Variants in PRKN observed in about 807,000 individuals in gnomAD.
PRKN encodes the protein parkin RBR E3 ubiquitin protein ligase, also known as E3 ubiquitin-protein ligase parkin.
Under a neutral mutation model 59.5 loss-of-function variants are expected in PRKN, and 56 were observed. The observed-to-expected ratio is 0.94, with a 90% CI of 0.76 to 1.18. The LOEUF is 1.18. PRKN is among the 50% of genes most tolerant of loss of function. PRKN has a pLI of 0.00. For synonymous variants in PRKN, 250 were observed against 222.1 expected, an observed-to-expected ratio of 1.13 and a Z score of -1.12; for missense variants, 657 against 596.4, an observed-to-expected ratio of 1.10 and a Z score of -1.06.
intron 5 of PRKN, among the ~76,000 whole-genome samples, chr6:162,016,979 CTG>C (rs1346557228): frequency 6.6e-6 from 1 of 152,148 alleles, no homozygotes; most frequent in East Asian, 1.9e-4. Flanking sequence ...ACTCAGTCAA[CTG>C]TGTGTGTGCA....
intron 1 of PRKN, among the ~76,000 whole-genome samples, chr6:162,448,894 CCTCTCT>C (rs112625480): frequency 3.5e-5 from 5 of 141,372 alleles, no homozygotes; most frequent in Admixed American, 2.1e-4. Context: ...TCTCTCCCTT[CCTCTCT>C]CTCTCTCTCT....
At chr6:162,362,078 A>G (rs1009021597) in intron 2 of PRKN, among the ~76,000 whole-genome samples, 4 of 152,166 alleles carry the variant, frequency 2.6e-5, no homozygotes, top group African/African-American at 9.7e-5. Flanking sequence ...GATCCCAAAC[A>G]TTTTGCCAAA....
At chr6:161,986,221 C>T (rs1281672236) in intron 5 of PRKN, among the ~76,000 whole-genome samples, 2 of 152,216 alleles carry the variant, frequency 1.3e-5, no homozygotes, top group African/African-American at 4.8e-5. Context: ...GACTGTAGAA[C>T]TGCCCTGAGC....
rs376245027 is a variant in PRKN, at chr6:161,556,048, G to A, written c.934-7045C>T. 1.6e-4 allele frequency among the ~76,000 whole-genome samples: 24 copies of A among 152,118 alleles called. No individual in the cohort carries two copies. In the East Asian group the frequency reaches 2.1e-3, roughly 13 times the overall value. ...TTACTATGACAATAGCTTTTATCTC[G>A]GAAGAAGTTAATGTATGGACAACGT... On this transcript the variant is annotated intron_variant, in intron 8 of 11. Transcript: ENST00000366898.
chr6:162,556,523 G>C (rs1332961534), intron 1 of PRKN, among the ~76,000 whole-genome samples: 1 of 151,346 alleles, frequency 6.6e-6, no homozygotes, highest in African/African-American at 2.4e-5. Context: ...CCGAGGCGGG[G>C]GGATCACGAA....
chr6:161,349,610 C>A lies in PRKN; in HGVS notation c.*489G>T. On this transcript the variant is annotated 3_prime_UTR_variant, in exon 12 of 12. Coordinates refer to ENST00000366898, the MANE Select transcript of PRKN (RefSeq NM_004562.3). The surrounding 1 kb of genome is among the most constrained non-coding windows in gnomAD (Gnocchi z 5.5). ...TGAATCTAGTTTGGAGAACCCACTGCAGTTCATTTTACAGAGAAACACCTT... is the reference window on the plus strand; with the variant it reads ...TGAATCTAGTTTGGAGAACCCACTGAAGTTCATTTTACAGAGAAACACCTT... 1 of 255,944 alleles carries A rather than the reference C, an allele frequency of 3.9e-6. No homozygotes were observed. Among genetic ancestry groups the A allele is most frequent in the Non-Finnish European group, 7.6e-6 (1 of 131,442 alleles). The allele number at this position is 255,944 out of a possible 1,614,324, so 15.9% of individuals were successfully genotyped here. A position where few individuals can be genotyped will look rare whatever the true frequency, so the allele number is the denominator to read the frequency against.
chr6:161,835,582 C>T (rs1198822285), intron 6 of PRKN, among the ~76,000 whole-genome samples: 2 of 152,186 alleles, frequency 1.3e-5, no homozygotes, highest in African/African-American at 2.4e-5. Context: ...TTTCCCACAC[C>T]GCATGCTGCA....
At chr6:162,612,834 C>T (rs1782253344) in intron 1 of PRKN, among the ~76,000 whole-genome samples, 1 of 152,096 alleles carries the variant, frequency 6.6e-6, no homozygotes, top group Non-Finnish European at 1.5e-5. Context: ...GCTGCACCTG[C>T]TTCTGGCCCA....
At chr6:162,049,300 T>C (rs1777525099) in intron 5 of PRKN, among the ~76,000 whole-genome samples, 1 of 151,786 alleles carries the variant, frequency 6.6e-6, no homozygotes, top group African/African-American at 2.4e-5. Flanking sequence ...TAAAATAAAT[T>C]ATATATAGGG....
At chr6:161,595,872 T>G (rs1481321481) in intron 7 of PRKN, among the ~76,000 whole-genome samples, 1 of 152,208 alleles carries the variant, frequency 6.6e-6, no homozygotes, top group Non-Finnish European at 1.5e-5. Flanking sequence ...AGAACATTCC[T>G]GGGTCACTTC....
chr6:162,510,833 G>T (rs912672958), intron 1 of PRKN, among the ~76,000 whole-genome samples: 1 of 152,114 alleles, frequency 6.6e-6, no homozygotes, highest in Non-Finnish European at 1.5e-5. Context: ...TGAGGCAGGA[G>T]AATCGCTTGA....
chr6:161,976,513 G>A (rs1781040090), intron 5 of PRKN, among the ~76,000 whole-genome samples: 1 of 152,162 alleles, frequency 6.6e-6, no homozygotes, highest in Non-Finnish European at 1.5e-5. Flanking sequence ...GCTGGCTGAT[G>A]TTTTTGTTTG....
rs1358705019 is a variant in PRKN, at chr6:161,376,691, A to T, written c.1167+10103T>A. ...CGCCCAGTGGTGGAGGGTGGATGCG[A>T]AGGGCTCACCTCTAGCCTCCTACCT... On this transcript the variant is annotated intron_variant, in intron 10 of 11. Transcript: ENST00000366898. This position sits in a 1 kb window ranked among gnomAD's most constrained non-coding sequence, Gnocchi z 7.3. Among the ~76,000 whole-genome samples, 1 of 152,088 alleles carries T rather than the reference A, an allele frequency of 6.6e-6. No individual in the cohort carries two copies. Among genetic ancestry groups the T allele is most frequent in the African/African-American group, 2.4e-5 (1 of 41,428 alleles).
intron 7 of PRKN, among the ~76,000 whole-genome samples, chr6:161,571,449 G>A (rs947385687): frequency 6.6e-6 from 1 of 152,164 alleles, no homozygotes; most frequent in East Asian, 1.9e-4. Flanking sequence ...GTGTTTGTCT[G>A]GGGGAGGGCA....
At chr6:162,536,301 G>A (rs1423437426) in intron 1 of PRKN, among the ~76,000 whole-genome samples, 1 of 152,092 alleles carries the variant, frequency 6.6e-6, no homozygotes, top group Admixed American at 6.6e-5. Context: ...CAAGCAGAAG[G>A]TGTTATTTTC....
At chr6:161,645,261 A>G (rs982824388) in intron 7 of PRKN, among the ~76,000 whole-genome samples, 4 of 151,906 alleles carry the variant, frequency 2.6e-5, no homozygotes, top group Admixed American at 2.6e-4. Context: ...AAAAAAAATG[A>G]ATTACGGAAA....
At chr6:162,478,523 G>A (rs1187072302) in intron 1 of PRKN, among the ~76,000 whole-genome samples, 1 of 152,204 alleles carries the variant, frequency 6.6e-6, no homozygotes, top group Non-Finnish European at 1.5e-5. Context: ...GAGACAGAGA[G>A]AAGAGCAAGA....
At chr6:162,230,771 C>T (rs1396312903) in intron 3 of PRKN, among the ~76,000 whole-genome samples, 2 of 152,224 alleles carry the variant, frequency 1.3e-5, no homozygotes, top group East Asian at 1.9e-4. Flanking sequence ...TAATTGACTG[C>T]TCCTATCTTG....
At chr6:162,480,605 G>A (rs1002338402) in intron 1 of PRKN, among the ~76,000 whole-genome samples, 5 of 152,006 alleles carry the variant, frequency 3.3e-5, no homozygotes, top group Non-Finnish European at 7.4e-5. Flanking sequence ...CCAGAGACCA[G>A]CGGACGGGGA....
Sources: allele counts gnomAD v4.1 joint callset (sites outside exome capture counted in the v4.1 genomes callset), GRCh38; gene constraint gnomAD v4.1.1; non-coding constraint Gnocchi (gnomAD v3.1); transcripts MANE v1.5; gene names NCBI Gene and HGNC (gene_info 2026-07-23, HGNC 2026-07-21).